Variants in NKAIN2 observed in about 807,000 individuals in gnomAD.
The protein encoded by NKAIN2 is sodium/potassium transporting ATPase interacting 2.
NKAIN2 carries 14 observed loss-of-function variants against 32.6 expected under a neutral mutation model. The ratio of observed to expected loss-of-function variants is 0.43; its 90% CI spans 0.28 to 0.67. The LOEUF (loss-of-function observed/expected upper bound fraction) is 0.67. Among genes scored for constraint, NKAIN2 ranks in the 30% least tolerant of loss-of-function variants. NKAIN2 has a pLI of 0.17. For missense variants in NKAIN2, 198 were observed against 258.3 expected (o/e 0.77, Z 1.60); for synonymous variants, 80 against 87.2 (o/e 0.92, Z 0.46).
chr6:123,909,853 A>G (rs906734613), intron 1 of NKAIN2, among the ~76,000 whole-genome samples: 2 of 152,154 alleles, frequency 1.3e-5, no homozygotes, highest in Non-Finnish European at 2.9e-5. Context: ...CAGTATCCAC[A>G]ACCATTTGCA....
chr6:124,708,736 G>T (rs995509876), intron 4 of NKAIN2, among the ~76,000 whole-genome samples: 1 of 152,006 alleles, frequency 6.6e-6, no homozygotes, highest in Non-Finnish European at 1.5e-5. Flanking sequence ...AGAAGAGTTT[G>T]GGCTGAGACA....
At chr6:124,644,231 AAATT>A (rs1784087101) in intron 3 of NKAIN2, among the ~76,000 whole-genome samples, 1 of 152,152 alleles carries the variant, frequency 6.6e-6, no homozygotes, top group Non-Finnish European at 1.5e-5. Flanking sequence ...ATGAATAAAT[AAATT>A]AACACCAAGA....
chr6:124,567,031 T>C (rs1780941706), intron 3 of NKAIN2, among the ~76,000 whole-genome samples: 1 of 152,248 alleles, frequency 6.6e-6, no homozygotes, highest in South Asian at 2.1e-4. Context: ...TTAAATTCTT[T>C]AGTACTTTTC....
intron 1 of NKAIN2, among the ~76,000 whole-genome samples, chr6:124,256,061 GA>G (rs1793915373): frequency 6.6e-6 from 1 of 152,106 alleles, no homozygotes. Context: ...TCTTACAAGG[GA>G]AATTACTCCG....
chr6:124,482,175 G>T (rs1284707009), intron 3 of NKAIN2, among the ~76,000 whole-genome samples: 1 of 152,112 alleles, frequency 6.6e-6, no homozygotes, highest in Non-Finnish European at 1.5e-5. Context: ...TTTATAATGA[G>T]TATGCAGGCA....
At chr6:124,220,476 TTTAAG>T (rs1791756886) in intron 1 of NKAIN2, among the ~76,000 whole-genome samples, 1 of 151,698 alleles carries the variant, frequency 6.6e-6, no homozygotes, top group Non-Finnish European at 1.5e-5. Flanking sequence ...TTTGGGGCCA[TTTAAG>T]TTATTTATAA....
rs556527215 is a variant in NKAIN2, at chr6:123,938,008, C to T, written c.54+133754C>T. Among the ~76,000 whole-genome samples, 6 of 21,722 alleles carry T rather than the reference C, an allele frequency of 2.8e-4. No individual in the cohort carries two copies. The East Asian group carries it at 0.043, about 155-fold the overall frequency. 14.3% of individuals were successfully genotyped at this position (21,722 alleles called of 152,430 possible). On this transcript the variant is annotated intron_variant, in intron 1 of 6. Coordinates refer to ENST00000368417, the MANE Select transcript of NKAIN2 (RefSeq NM_001040214.3). ...GAACATACACGAAAAGGTCAAGAAT[C>T]CCTGAAATCTCAGTCCTGATATGTT...
chr6:124,483,109 C>CT (rs898665430), intron 3 of NKAIN2, among the ~76,000 whole-genome samples: 2 of 151,248 alleles, frequency 1.3e-5, no homozygotes, highest in African/African-American at 4.9e-5. Context: ...ACGACAGAGA[C>CT]TGTGTTTCAA....
intron 4 of NKAIN2, among the ~76,000 whole-genome samples, chr6:124,693,972 T>C (rs749412968): frequency 2.6e-5 from 4 of 152,214 alleles, no homozygotes; most frequent in Middle Eastern, 3.2e-3. Flanking sequence ...AGGTCCATTT[T>C]TAAAATAATT....
At chr6:124,817,243 AT>A (rs368809922) in intron 5 of NKAIN2, among the ~76,000 whole-genome samples, 2,676 of 146,242 alleles carry the variant, frequency 0.018, 51 homozygotes, top group African/African-American at 0.057. Flanking sequence ...ATTTTTTGGC[AT>A]TTTTTTTTTT....
chr6:124,216,466 G>A (rs1486352601), intron 1 of NKAIN2, among the ~76,000 whole-genome samples: 2 of 152,152 alleles, frequency 1.3e-5, no homozygotes, highest in Admixed American at 6.5e-5. Context: ...TACTCAACAC[G>A]CATATGCCCA....
chr6:124,649,808 C>T (rs1286738931), intron 3 of NKAIN2, among the ~76,000 whole-genome samples: 1 of 152,138 alleles, frequency 6.6e-6, no homozygotes, highest in African/African-American at 2.4e-5. Flanking sequence ...GTATGCAAAG[C>T]TGGTTCAAAA....
intron 4 of NKAIN2, among the ~76,000 whole-genome samples, chr6:124,735,492 G>T (rs1436414413): frequency 6.6e-6 from 1 of 151,900 alleles, no homozygotes. Flanking sequence ...AGTAGTGGTA[G>T]ATTGGGAGAA....
At chr6:123,939,829 G>A (rs1776734817) in intron 1 of NKAIN2, among the ~76,000 whole-genome samples, 1 of 151,776 alleles carries the variant, frequency 6.6e-6, no homozygotes, top group Admixed American at 6.6e-5. Context: ...TATTGCAAGT[G>A]TGTGTTGTCC....
chr6:124,347,455 G>A (rs62434717), intron 2 of NKAIN2, among the ~76,000 whole-genome samples: 20 of 152,226 alleles, frequency 1.3e-4, no homozygotes, highest in South Asian at 6.2e-4. Flanking sequence ...CATTCTCCCC[G>A]TCAGTTTCAG....
At chr6:124,239,134 A>G (rs1214000832) in intron 1 of NKAIN2, among the ~76,000 whole-genome samples, 4 of 152,168 alleles carry the variant, frequency 2.6e-5, no homozygotes, top group African/African-American at 9.7e-5. Flanking sequence ...CAGACTTTAA[A>G]CCAACAAAGA....
At chr6:124,661,872 G>A (rs927982653) in intron 4 of NKAIN2, among the ~76,000 whole-genome samples, 1 of 143,182 alleles carries the variant, frequency 7.0e-6, no homozygotes, top group Non-Finnish European at 1.5e-5. Context: ...TATTGTTCAC[G>A]TTACAGAAAA....
chr6:124,754,016 G>T (rs1266905222), intron 4 of NKAIN2, among the ~76,000 whole-genome samples: 1 of 152,014 alleles, frequency 6.6e-6, no homozygotes, highest in Non-Finnish European at 1.5e-5. Context: ...ATCTTTCTTG[G>T]CTTTAATTTT....
intron 1 of NKAIN2, among the ~76,000 whole-genome samples, chr6:124,138,713 A>G (rs1441194058): frequency 6.9e-6 from 1 of 143,896 alleles, no homozygotes; most frequent in African/African-American, 2.7e-5. Flanking sequence ...TATATATATC[A>G]CATTATATAT....
Sources: gnomAD v4.1 joint callset for allele counts (sites outside exome capture counted in the v4.1 genomes callset) on GRCh38, gnomAD v4.1.1 for gene constraint, MANE v1.5 for transcripts, NCBI Gene and HGNC (gene_info 2026-07-23, HGNC 2026-07-21) for gene names.